The following NHSL1 variants were observed in gnomAD, a reference collection of about 807,000 sequenced individuals.
NHSL1 encodes the protein NHS like 1.
NHSL1 carries 48 observed loss-of-function variants against 95.0 expected under a neutral mutation model. The observed-to-expected ratio is 0.51, with a 90% CI of 0.40 to 0.64. The LOEUF (loss-of-function observed/expected upper bound fraction) is 0.64, where lower values mean the gene tolerates loss of function less well. NHSL1 is among the 30% of genes least tolerant of loss of function. The probability of loss-of-function intolerance (pLI) is 0.00; values close to 1 mark genes in which losing one functional copy is unlikely to be tolerated. For missense variants in NHSL1, 1,971 were observed against 2,077.7 expected, an observed-to-expected ratio of 0.95 and a Z score of 1.00; for synonymous variants, 783 against 833.9, an observed-to-expected ratio of 0.94 and a Z score of 1.05.
At chr6:138,688,746 T>C (rs1018047300) in intron 1 of NHSL1, among the ~76,000 whole-genome samples, 1 of 152,162 alleles carries the variant, frequency 6.6e-6, no homozygotes, top group Non-Finnish European at 1.5e-5. Flanking sequence ...AGAGCCAAGA[T>C]GTAACTATTC....
At chr6:138,537,435 A>C (rs575238501) in intron 1 of NHSL1, among the ~76,000 whole-genome samples, 2 of 152,332 alleles carry the variant, frequency 1.3e-5, no homozygotes, top group South Asian at 4.1e-4. Context: ...AAAACTGAGA[A>C]ATACATCTGC....
chr6:138,450,018 G>C lies in NHSL1; in HGVS notation c.340-2825C>G, dbSNP rs576978210. Among the ~76,000 whole-genome samples the C allele has an allele frequency of 2.0e-5, 3 of 152,262 alleles. No homozygotes were observed. The East Asian group carries it at 5.8e-4, about 29-fold the overall frequency. On this transcript the variant is annotated intron_variant, in intron 3 of 7. Transcript: ENST00000343505. ...AATTGCACTATATCCATTGATACTT[G>C]ATCTGATTCTGGTTAAAAGGGTTAA...
intron 7 of NHSL1, among the ~76,000 whole-genome samples, chr6:138,425,487 T>C (rs1377294349): frequency 6.6e-6 from 1 of 152,222 alleles, no homozygotes; most frequent in East Asian, 1.9e-4. Context: ...AACTCACCTA[T>C]GATAATCATT....
Position 138,431,498 on chromosome 6 carries a change from G to A in NHSL1, c.2847C>T (p.Phe949=), listed in dbSNP as rs764108133. 5 of 1,551,194 alleles carry A rather than the reference G, an allele frequency of 3.2e-6. No individual in the cohort carries two copies. The highest frequency in any genetic ancestry group is 3.5e-6 in the Non-Finnish European group (4 of 1,146,804). Reference sequence around the variant, plus strand: ...CTGTGACAGGAGGTGGGGGAGGAAGGAAAGGAGACCTGTCTGCAGGACAAG... The same window carrying A: ...CTGTGACAGGAGGTGGGGGAGGAAGAAAAGGAGACCTGTCTGCAGGACAAG... ...PFPCPADRSP[F]LPPPPPVTDC... Residue 949 remains phenylalanine (F), a synonymous_variant, in exon 6 of 8, where the codon TTC becomes TTT. Coordinates refer to ENST00000343505, the MANE Select transcript of NHSL1 (RefSeq NM_001144060.2). This position sits in a 1 kb window ranked among gnomAD's most constrained non-coding sequence, Gnocchi z 4.0.
chr6:138,619,809 G>A (rs527577164), intron 1 of NHSL1, among the ~76,000 whole-genome samples: 5 of 152,120 alleles, frequency 3.3e-5, no homozygotes, highest in South Asian at 4.2e-4. Context: ...TTAGTCAGGC[G>A]TGGGGGCATA....
intron 3 of NHSL1, among the ~76,000 whole-genome samples, chr6:138,463,886 A>G (rs1004915682): frequency 5.9e-5 from 9 of 151,988 alleles, no homozygotes; most frequent in African/African-American, 2.2e-4. Context: ...TCCCCTTACC[A>G]TTGTTTTATT....
intron 1 of NHSL1, among the ~76,000 whole-genome samples, chr6:138,625,532 C>T (rs978167281): frequency 6.6e-6 from 1 of 151,956 alleles, no homozygotes; most frequent in Admixed American, 6.6e-5. Context: ...ACTATCTCCC[C>T]TTCCTAGACA....
chr6:138,479,409 G>A (rs142148017), intron 2 of NHSL1, among the ~76,000 whole-genome samples: 1 of 152,092 alleles, frequency 6.6e-6, no homozygotes, highest in Admixed American at 6.6e-5. Context: ...AGTAAAATAA[G>A]GGTGACTTGA....
intron 2 of NHSL1, among the ~76,000 whole-genome samples, chr6:138,493,123 T>C (rs1166286898): frequency 1.3e-5 from 2 of 152,304 alleles, no homozygotes; most frequent in African/African-American, 4.8e-5. Context: ...AGTAAATAAC[T>C]GAGAACAAAA....
chr6:138,650,346 C>CG, intron 1 of NHSL1: 2 of 1,046,612 alleles, frequency 1.9e-6, no homozygotes, highest in South Asian at 1.3e-5. Context: ...CGGGGAGTAA[C>CG]GGGGGAGCCC....
intron 1 of NHSL1, among the ~76,000 whole-genome samples, chr6:138,630,970 G>A (rs1784811479): frequency 6.6e-6 from 1 of 152,120 alleles, no homozygotes; most frequent in Non-Finnish European, 1.5e-5. Context: ...ACACTGAGGA[G>A]GTAGGAAAAA....
rs544873852 is a variant in NHSL1, at chr6:138,478,013, T to C, written c.212-4580A>G. ...TTTTTCACCATGAAATTTATGTCAC[T>C]TTTTTTTTTTTTTTTTTTTTTTTTT... On this transcript the variant is annotated intron_variant, in intron 2 of 7. Transcript: ENST00000343505. Among the ~76,000 whole-genome samples the C allele has an allele frequency of 1.2e-3, 28 of 23,192 alleles. 1 individual carries two copies. The South Asian group carries it at 0.029, about 24-fold the overall frequency. The allele number at this position is 23,192 out of a possible 152,430, so 15.2% of individuals were successfully genotyped here. A position where few individuals can be genotyped will look rare whatever the true frequency, so the allele number is the denominator to read the frequency against.
intron 4 of NHSL1, among the ~76,000 whole-genome samples, chr6:138,443,598 G>A (rs1434893233): frequency 6.6e-6 from 1 of 152,166 alleles, no homozygotes; most frequent in East Asian, 1.9e-4. Context: ...GAGTTGAGGT[G>A]GGTGGATCAC....
At chr6:138,492,686 T>C (rs1780146128) in intron 2 of NHSL1, among the ~76,000 whole-genome samples, 1 of 152,226 alleles carries the variant, frequency 6.6e-6, no homozygotes, top group Non-Finnish European at 1.5e-5. Flanking sequence ...ACTCGCTGTG[T>C]CGTTTCCCTT....
Position 138,423,632 on chromosome 6 carries a change from C to T in NHSL1, c.*449G>A, listed in dbSNP as rs1775049906. 6.5e-6 allele frequency: 1 copy of T among 153,310 alleles called. No homozygotes were observed. Among genetic ancestry groups the T allele is most frequent in the African/African-American group, 2.4e-5 (1 of 41,414 alleles). The allele number at this position is 153,310 out of a possible 1,614,324, so 9.5% of individuals were successfully genotyped here. On this transcript the variant is annotated 3_prime_UTR_variant, in exon 8 of 8. Transcript: ENST00000343505. ...ACATCTTCTCCTTTCTTACAAAACT[C>T]GCTGATTTCTATAAACGTAATTCTC... is the stretch of plus-strand genomic sequence containing the variant.
At chr6:138,433,808 G>A (rs919881751) in intron 5 of NHSL1, 128 bp from the exon 6 acceptor site, 8 of 1,318,016 alleles carry the variant, frequency 6.1e-6, no homozygotes, top group African/African-American at 4.5e-5. Context: ...TTCTCCTGTA[G>A]GTATCTAAGT....
In NHSL1 at chr6:138,509,487, C is replaced by T. The variant is rs888929840; in HGVS notation, c.17-13116G>A. 3.9e-5 allele frequency among the ~76,000 whole-genome samples: 6 copies of T among 151,988 alleles called. No homozygotes were observed. In the East Asian group the frequency reaches 1.2e-3, roughly 29 times the overall value. On this transcript the variant is annotated intron_variant, in intron 1 of 4. Coordinates refer to the NHSL1 transcript ENST00000342260. ...TCTATACTCGAAAGGGATTTTTTAA[C>T]GTAGAAAAAAATGAGAGCAAAGGAA...
chr6:138,454,498 A>G (rs1777455841), intron 3 of NHSL1, among the ~76,000 whole-genome samples: 1 of 137,854 alleles, frequency 7.3e-6, no homozygotes, highest in African/African-American at 3.6e-5. Flanking sequence ...CCATACAGTC[A>G]TTACTGGGGG....
At chr6:138,687,470 A>G (rs1562413482) in intron 1 of NHSL1, among the ~76,000 whole-genome samples, 1 of 152,162 alleles carries the variant, frequency 6.6e-6, no homozygotes, top group Non-Finnish European at 1.5e-5. Context: ...TACTCCTCAG[A>G]ACTATGAGCC....
Sources: allele counts gnomAD v4.1 joint callset (sites outside exome capture counted in the v4.1 genomes callset), GRCh38; gene constraint gnomAD v4.1.1; non-coding constraint Gnocchi (gnomAD v3.1); transcripts MANE v1.5; gene names NCBI Gene and HGNC (gene_info 2026-07-23, HGNC 2026-07-21).